Variants in PRKAG2 observed in about 807,000 individuals in gnomAD.
PRKAG2 encodes protein kinase AMP-activated non-catalytic subunit gamma 2.
PRKAG2 carries 26 observed loss-of-function variants against 69.6 expected under a neutral mutation model. That is an observed-to-expected ratio of 0.37 (90% CI 0.27 to 0.52). The LOEUF is 0.52. Ranked by LOEUF, PRKAG2 falls within the 20% of genes least tolerant of loss-of-function variation. The pLI is 0.90. For missense variants in PRKAG2, 557 were observed against 740.0 expected, an observed-to-expected ratio of 0.75 and a Z score of 2.87; for synonymous variants, 293 against 285.0, an observed-to-expected ratio of 1.03 and a Z score of -0.28.
chr7:151,574,821 C>T, intron 8 of PRKAG2, 70 bp downstream of exon 8: 3 of 1,598,004 alleles, frequency 1.9e-6, no homozygotes, highest in Middle Eastern at 3.4e-4. Flanking sequence ...TTAAAATACA[C>T]ACATATACCT....
intron 15 of PRKAG2, chr7:151,559,619 A>T (rs1357399338): frequency 7.1e-6 from 7 of 985,184 alleles, no homozygotes; most frequent in African/African-American, 1.7e-5. Flanking sequence ...GGTGGTGAAG[A>T]TTCCTTTAGG....
At chr7:151,558,903 C>T in intron 15 of PRKAG2, 1 of 985,414 alleles carries the variant, frequency 1.0e-6, no homozygotes, top group Non-Finnish European at 1.2e-6. Flanking sequence ...TATCAAGAAA[C>T]AGAGAGGATG....
At chr7:151,725,149 T>C (rs1372185799) in intron 3 of PRKAG2, among the ~76,000 whole-genome samples, 2 of 152,066 alleles carry the variant, frequency 1.3e-5, no homozygotes, top group African/African-American at 4.8e-5. Flanking sequence ...CACGTGTCCA[T>C]CGACGCATGA....
intron 3 of PRKAG2, among the ~76,000 whole-genome samples, chr7:151,689,165 T>C (rs1352685619): frequency 1.3e-5 from 2 of 152,278 alleles, no homozygotes; most frequent in Non-Finnish European, 2.9e-5. Flanking sequence ...GTGCTTTCTA[T>C]AATTCAGCTC....
intron 3 of PRKAG2, among the ~76,000 whole-genome samples, chr7:151,754,485 G>A (rs1204866509): frequency 2.0e-5 from 3 of 151,278 alleles, no homozygotes; most frequent in Non-Finnish European, 2.9e-5. Context: ...TGAGCGGGGG[G>A]CCCAGGGTGC....
chr7:151,710,799 A>G (rs994217558), intron 3 of PRKAG2, among the ~76,000 whole-genome samples: 1 of 152,206 alleles, frequency 6.6e-6, no homozygotes, highest in African/African-American at 2.4e-5. Context: ...AGGCTCCACG[A>G]AGCCAGGGAC....
chr7:151,831,992 G>A (rs776873693), intron 1 of PRKAG2, among the ~76,000 whole-genome samples: 7 of 152,058 alleles, frequency 4.6e-5, no homozygotes, highest in Non-Finnish European at 8.8e-5. Context: ...GCCTCCACTC[G>A]GCAAAGAATC....
At chr7:151,587,706 G>A (rs6974949) in intron 6 of PRKAG2, among the ~76,000 whole-genome samples, 3,851 of 152,210 alleles carry the variant, frequency 0.025, 138 homozygotes, top group African/African-American at 0.087. Context: ...CCTCAAAACC[G>A]TCAAGGTGTC....
intron 1 of PRKAG2, among the ~76,000 whole-genome samples, chr7:151,793,978 A>G (rs563161688): frequency 2.0e-5 from 3 of 152,208 alleles, no homozygotes; most frequent in Non-Finnish European, 2.9e-5. Flanking sequence ...CACAGAGGAC[A>G]CCGTAGTTTC....
intron 1 of PRKAG2, among the ~76,000 whole-genome samples, chr7:151,852,649 A>G (rs1398577315): frequency 1.3e-5 from 2 of 151,984 alleles, no homozygotes; most frequent in African/African-American, 2.4e-5. Flanking sequence ...AGACCATATG[A>G]AGAACCGCCC....
chr7:151,827,959 C>T (rs1048120464), intron 1 of PRKAG2, among the ~76,000 whole-genome samples: 1 of 152,072 alleles, frequency 6.6e-6, no homozygotes, highest in Non-Finnish European at 1.5e-5. Context: ...CCCATCATGT[C>T]GCTTCCTCTC....
At chr7:151,729,835 C>T (rs1798640857) in intron 3 of PRKAG2, among the ~76,000 whole-genome samples, 1 of 152,200 alleles carries the variant, frequency 6.6e-6, no homozygotes. Context: ...CTCCCCATCA[C>T]CCACTGAACC....
chr7:151,676,193 G>A (rs1426821354), intron 3 of PRKAG2, among the ~76,000 whole-genome samples: 1 of 145,852 alleles, frequency 6.9e-6, no homozygotes, highest in Non-Finnish European at 1.5e-5. Context: ...AAAATGTGCA[G>A]CAGAGATGCA....
chr7:151,799,402 C>T (rs2077712460), intron 1 of PRKAG2, among the ~76,000 whole-genome samples: 1 of 152,218 alleles, frequency 6.6e-6, no homozygotes, highest in Admixed American at 6.5e-5. Flanking sequence ...AACGGGCTGG[C>T]CATCCCTCGC....
At chr7:151,732,206 C>T (rs1051736999) in intron 3 of PRKAG2, among the ~76,000 whole-genome samples, 20 of 148,366 alleles carry the variant, frequency 1.3e-4, no homozygotes, top group African/African-American at 4.8e-4. Context: ...GGCATGATCA[C>T]GGCTCATTGC....
intron 3 of PRKAG2, among the ~76,000 whole-genome samples, chr7:151,685,082 A>G (rs1395983688): frequency 2.0e-5 from 3 of 152,160 alleles, no homozygotes; most frequent in Admixed American, 2.0e-4. Flanking sequence ...AGAGGCAGGA[A>G]TACCCTACAC....
In PRKAG2 at chr7:151,589,929, T is replaced by C. The variant is rs550666574; in HGVS notation, c.864+5416A>G. 2.0e-5 allele frequency among the ~76,000 whole-genome samples: 3 copies of C among 152,240 alleles called. No individual in the cohort carries two copies. In the South Asian group the frequency reaches 6.2e-4, roughly 32 times the overall value. On this transcript the variant is annotated intron_variant, in intron 6 of 15. Coordinates refer to ENST00000287878, the MANE Select transcript of PRKAG2 (RefSeq NM_016203.4). ...CAGCCTGGGTGACAGAATGAGACCC[T>C]GTCTTTAAAAAAAAGAAGAAGAAGA...
At chr7:151,860,031 G>T (rs2079878961) in intron 1 of PRKAG2, among the ~76,000 whole-genome samples, 1 of 152,148 alleles carries the variant, frequency 6.6e-6, no homozygotes, top group Non-Finnish European at 1.5e-5. Context: ...TGACGGAGGT[G>T]GCCGGGCACC....
intron 3 of PRKAG2, among the ~76,000 whole-genome samples, chr7:151,694,886 C>T (rs927452403): frequency 9.2e-5 from 14 of 152,232 alleles, no homozygotes; most frequent in East Asian, 3.9e-4. Flanking sequence ...ATGCAAACAC[C>T]GCACCCACAC....
Sources: allele counts gnomAD v4.1 joint callset (sites outside exome capture counted in the v4.1 genomes callset), GRCh38; gene constraint gnomAD v4.1.1; transcripts MANE v1.5; gene names NCBI Gene and HGNC (gene_info 2026-07-23, HGNC 2026-07-21).